Variants in PRDM16 observed in about 807,000 individuals in gnomAD.
PRDM16 encodes the protein histone-lysine N-methyltransferase PRDM16.
PRDM16 carries 23 observed loss-of-function variants against 110.6 expected under a neutral mutation model. That is an observed-to-expected ratio of 0.21 (90% CI 0.15 to 0.29). The LOEUF (loss-of-function observed/expected upper bound fraction) is 0.29. PRDM16 is among the 10% of genes least tolerant of loss of function. The probability of loss-of-function intolerance (pLI) is 1.00; values close to 1 mark genes in which losing one functional copy is unlikely to be tolerated. For missense variants in PRDM16, 1,615 were observed against 1,794.3 expected, an observed-to-expected ratio of 0.90 and a Z score of 1.81; for synonymous variants, 799 against 781.8, an observed-to-expected ratio of 1.02 and a Z score of -0.37.
At chr1:3,423,947 C>T (rs989046915) in intron 12 of PRDM16, among the ~76,000 whole-genome samples, 7 of 152,262 alleles carry the variant, frequency 4.6e-5, no homozygotes, top group Middle Eastern at 3.2e-3. Flanking sequence ...AGCACCGCTG[C>T]GGGCGTTCTG....
Position 3,412,771 on chromosome 1 carries a change from C to T in PRDM16, c.2574C>T (p.Pro858=). The change falls in exon 9 of 17, where the codon CCC becomes CCT. Residue 858 remains proline (P), a synonymous_variant. Transcript: ENST00000270722. ...AGCCCCCGCTCCACTACGCCAAGCC[C>T]TCGCCCTTCTTCATGGACCCCATCT... ...PQQPPLHYAK[P]SPFFMDPIYS... 1 of 1,486,380 alleles carries T rather than the reference C, an allele frequency of 6.7e-7. No homozygotes were observed. The highest frequency in any genetic ancestry group is 8.9e-7 in the Non-Finnish European group (1 of 1,117,624). 92.1% of individuals were successfully genotyped at this position (1,486,380 alleles called of 1,614,324 possible).
At chr1:3,352,150 C>T (rs572993705) in intron 3 of PRDM16, among the ~76,000 whole-genome samples, 1 of 152,326 alleles carries the variant, frequency 6.6e-6, no homozygotes, top group South Asian at 2.1e-4. Flanking sequence ...CTGCCTGGCA[C>T]AGTCCACCTG....
In PRDM16 at chr1:3,213,369, TGG is replaced by T. The variant is rs948243248; in HGVS notation, c.387+26899_387+26900del. ...AACTATTTTGCTGGGGAGAGGGGTG[TGG>T]GGGCGGGATGGCGGGTCCTGGGCGT... On this transcript the variant is annotated intron_variant, in intron 2 of 16. Coordinates refer to ENST00000270722, the MANE Select transcript of PRDM16 (RefSeq NM_022114.4). The surrounding 1 kb of genome is among the most constrained non-coding windows in gnomAD (Gnocchi z 5.3). Among the ~76,000 whole-genome samples, 4 of 63,056 alleles carry T rather than the reference TGG, an allele frequency of 6.3e-5. No individual in the cohort carries two copies. The highest frequency in any genetic ancestry group is 2.5e-4 in the African/African-American group (4 of 16,038). 41.4% of individuals were successfully genotyped at this position (63,056 alleles called of 152,430 possible). A position where few individuals can be genotyped will look rare whatever the true frequency, so the allele number is the denominator to read the frequency against.
chr1:3,071,482 C>G (rs1035747144), intron 1 of PRDM16, among the ~76,000 whole-genome samples: 2 of 152,250 alleles, frequency 1.3e-5, no homozygotes, highest in African/African-American at 4.8e-5. Context: ...CGCTGGGAAC[C>G]CCTCCTTCCA....
intron 2 of PRDM16, among the ~76,000 whole-genome samples, chr1:3,221,786 T>G (rs756860495): frequency 5.9e-5 from 9 of 152,212 alleles, no homozygotes; most frequent in Non-Finnish European, 8.8e-5. Context: ...TCTAGGCACA[T>G]GTACACACAA....
intron 2 of PRDM16, among the ~76,000 whole-genome samples, chr1:3,216,743 T>G (rs16823514): frequency 0.048 from 7,310 of 152,320 alleles, 426 homozygotes; most frequent in African/African-American, 0.13. Flanking sequence ...TGCCTGAGAC[T>G]GGAGATGCTG....
chr1:3,374,392 G>A (rs1642957544), intron 3 of PRDM16, among the ~76,000 whole-genome samples: 1 of 152,198 alleles, frequency 6.6e-6, no homozygotes, highest in Non-Finnish European at 1.5e-5. Context: ...CAGAAATACA[G>A]TTTATACACA....
At position 3,405,148 on chromosome 1, in the gene PRDM16, G is replaced by A. The variant is rs187563438; in HGVS notation, c.1032+262G>A. On this transcript the variant is annotated intron_variant, in intron 7 of 16. Transcript: ENST00000270722. ...TCCAGAGCGCGGCTCCTGTCCTCCC[G>A]CCGGTGTGGAAGGAAGAGGCTGGCG... Among the ~76,000 whole-genome samples the A allele has an allele frequency of 4.1e-4, 63 of 152,294 alleles. 1 individual carries two copies. In the Middle Eastern group the frequency reaches 0.017, roughly 41 times the overall value.
intron 3 of PRDM16, among the ~76,000 whole-genome samples, chr1:3,277,301 C>T (rs1027108761): frequency 3.9e-5 from 6 of 152,332 alleles, no homozygotes; most frequent in African/African-American, 1.4e-4. Context: ...GGGATGGCAT[C>T]GTCTGTCACA....
chr1:3,343,004 G>T (rs1156347285), intron 3 of PRDM16, among the ~76,000 whole-genome samples: 1 of 151,936 alleles, frequency 6.6e-6, no homozygotes, highest in Admixed American at 6.6e-5. Context: ...ATTTCATTTT[G>T]ATATAAATTG....
intron 3 of PRDM16, among the ~76,000 whole-genome samples, chr1:3,313,120 G>A (rs1049998787): frequency 4.6e-5 from 7 of 152,244 alleles, no homozygotes; most frequent in African/African-American, 1.4e-4. Flanking sequence ...AGCCTTCTCC[G>A]AAGCTGTCAG....
At chr1:3,330,674 C>T (rs1365197938) in intron 3 of PRDM16, among the ~76,000 whole-genome samples, 1 of 152,246 alleles carries the variant, frequency 6.6e-6, no homozygotes, top group East Asian at 1.9e-4. Context: ...ACCCACTTGC[C>T]AGTCCAATGG....
chr1:3,426,833 T>A (rs1395213625), intron 14 of PRDM16, among the ~76,000 whole-genome samples: 3 of 152,198 alleles, frequency 2.0e-5, no homozygotes, highest in African/African-American at 7.2e-5. Flanking sequence ...GGGCAGGACG[T>A]GCCTGGGGAC....
intron 1 of PRDM16, among the ~76,000 whole-genome samples, chr1:3,156,245 C>T (rs1643857537): frequency 6.6e-6 from 1 of 152,134 alleles, no homozygotes; most frequent in African/African-American, 2.4e-5. Context: ...GCAGGGCTCC[C>T]GGGCAGCAGG....
intron 9 of PRDM16, among the ~76,000 whole-genome samples, chr1:3,413,890 G>A (rs182122797): frequency 2.6e-5 from 4 of 152,296 alleles, no homozygotes; most frequent in Admixed American, 1.3e-4. Context: ...GGCATCTGGG[G>A]AAGGTTCTGG....
At position 3,160,538 on chromosome 1, in the gene PRDM16, G is replaced by A. The variant is rs117474415; in HGVS notation, c.38-25587G>A. Among the ~76,000 whole-genome samples the A allele has an allele frequency of 3.3e-5, 5 of 152,306 alleles. No homozygotes were observed. In the East Asian group the frequency reaches 9.7e-4, roughly 29 times the overall value. ...GGGTAAGGGCGACACAAGGGGATGG[G>A]ACAGGGAATGGCTTGGGTCACAGAG... On this transcript the variant is annotated intron_variant, in intron 1 of 16. Coordinates refer to ENST00000270722, the MANE Select transcript of PRDM16 (RefSeq NM_022114.4).
intron 3 of PRDM16, among the ~76,000 whole-genome samples, chr1:3,252,348 C>T (rs1639953178): frequency 6.6e-6 from 1 of 151,412 alleles, no homozygotes; most frequent in Non-Finnish European, 1.5e-5. Flanking sequence ...GGTGTCCAGG[C>T]CGGGCCCCAG....
chr1:3,137,350 A>C lies in PRDM16; in HGVS notation c.38-48775A>C, dbSNP rs560112749. Reference sequence around the variant, plus strand: ...TGCGAGCCTGTCACTCGGAGCAAGGAATGTGGTGTCTCCCTCCTTCCTGCA... The same window carrying C: ...TGCGAGCCTGTCACTCGGAGCAAGGCATGTGGTGTCTCCCTCCTTCCTGCA... On this transcript the variant is annotated intron_variant, in intron 1 of 16. Coordinates refer to ENST00000270722, the MANE Select transcript of PRDM16 (RefSeq NM_022114.4). Among the ~76,000 whole-genome samples the C allele has an allele frequency of 2.0e-5, 3 of 152,292 alleles. No individual in the cohort carries two copies. In the South Asian group the frequency reaches 6.2e-4, roughly 32 times the overall value.
At chr1:3,301,150 G>A (rs1443087755) in intron 3 of PRDM16, among the ~76,000 whole-genome samples, 1 of 152,026 alleles carries the variant, frequency 6.6e-6, no homozygotes, top group Non-Finnish European at 1.5e-5. Context: ...GGGAAACCTA[G>A]CAAGACCCTG....
Sources: allele counts gnomAD v4.1 joint callset (sites outside exome capture counted in the v4.1 genomes callset), GRCh38; gene constraint gnomAD v4.1.1; non-coding constraint Gnocchi (gnomAD v3.1); transcripts MANE v1.5; gene names NCBI Gene and HGNC (gene_info 2026-07-23, HGNC 2026-07-21).